Variants in ATP2B1 observed in about 807,000 individuals in gnomAD.
The protein encoded by ATP2B1 is ATPase plasma membrane Ca2+ transporting 1.
ATP2B1 carries 14 observed loss-of-function variants against 124.2 expected under a neutral mutation model. That is an observed-to-expected ratio of 0.11 (90% CI 0.07 to 0.18). The LOEUF is 0.18. Ranked by LOEUF, ATP2B1 falls within the 10% of genes least tolerant of loss-of-function variation. The pLI is 1.00. For missense variants in ATP2B1, 763 were observed against 1,466.1 expected (o/e 0.52, Z 7.83); for synonymous variants, 449 against 492.4 (o/e 0.91, Z 1.17).
At chr12:89,707,864 C>T (rs1034501234) in intron 1 of ATP2B1, among the ~76,000 whole-genome samples, 3 of 152,218 alleles carry the variant, frequency 2.0e-5, no homozygotes, top group African/African-American at 7.2e-5. Flanking sequence ...GCCCCCACCC[C>T]ACACCCCTGC....
At chr12:89,648,456 G>A (rs1884798594) in intron 2 of ATP2B1, among the ~76,000 whole-genome samples, 1 of 152,070 alleles carries the variant, frequency 6.6e-6, no homozygotes, top group African/African-American at 2.4e-5. Context: ...AATGACCTAG[G>A]GTATCTAGCA....
intron 1 of ATP2B1, among the ~76,000 whole-genome samples, chr12:89,665,091 A>AG (rs1887149699): frequency 6.6e-6 from 1 of 152,154 alleles, no homozygotes; most frequent in South Asian, 2.1e-4. Flanking sequence ...GGCCTCCCAA[A>AG]GTGCTGGGAG....
At chr12:89,664,286 A>T (rs1887040878) in intron 1 of ATP2B1, among the ~76,000 whole-genome samples, 1 of 152,218 alleles carries the variant, frequency 6.6e-6, no homozygotes, top group South Asian at 2.1e-4. Context: ...TTGGCTTTTG[A>T]TAGCTGTCAT....
chr12:89,620,293 A>G (rs1378409029), intron 10 of ATP2B1, 53 bp from the exon 11 acceptor site: 4 of 1,582,122 alleles, frequency 2.5e-6, no homozygotes, highest in East Asian at 2.2e-5. Flanking sequence ...AAGAACGTTT[A>G]ATTTATAATG....
intron 1 of ATP2B1, among the ~76,000 whole-genome samples, chr12:89,701,713 T>C (rs1891872379): frequency 6.6e-6 from 1 of 152,172 alleles, no homozygotes; most frequent in Non-Finnish European, 1.5e-5. Context: ...TGGCAGTTAA[T>C]TTGGTTTTTT....
At chr12:89,643,133 T>C (rs1359792156) in intron 2 of ATP2B1, among the ~76,000 whole-genome samples, 1 of 151,044 alleles carries the variant, frequency 6.6e-6, no homozygotes, top group African/African-American at 2.4e-5. Flanking sequence ...CACGTATATA[T>C]GTATATACAC....
intron 1 of ATP2B1, among the ~76,000 whole-genome samples, chr12:89,706,656 C>T (rs1016539466): frequency 1.3e-5 from 2 of 152,014 alleles, no homozygotes; most frequent in East Asian, 3.9e-4. Flanking sequence ...AAAATGAAGA[C>T]AATTCCCCCT....
At position 89,631,925 on chromosome 12, in the gene ATP2B1, T is replaced by C. The variant is rs530086377; in HGVS notation, c.788-1280A>G. 3.3e-5 allele frequency among the ~76,000 whole-genome samples: 5 copies of C among 152,096 alleles called. No individual in the cohort carries two copies. The South Asian group carries it at 6.2e-4, about 19-fold the overall frequency. ...GAATTACAGGTGCGAGTCACCGTGC[T>C]CGGCCTGAAGGTTATACAACTATTA... is the stretch of plus-strand genomic sequence containing the variant. On this transcript the variant is annotated intron_variant, in intron 5 of 20. Coordinates refer to ENST00000428670, the MANE Select transcript of ATP2B1 (RefSeq NM_001366521.1).
At chr12:89,604,088 TAA>T in intron 16 of ATP2B1, 65 bp downstream of exon 16, 1 of 1,486,376 alleles carries the variant, frequency 6.7e-7, no homozygotes, top group East Asian at 2.4e-5. Context: ...AAGTATTTTT[TAA>T]GAGGCATTTA....
At chr12:89,591,447 G>C in intron 20 of ATP2B1, 152 bp from the exon 21 acceptor site, 1 of 637,542 alleles carries the variant, frequency 1.6e-6, no homozygotes, top group South Asian at 2.3e-5. Flanking sequence ...GTAAAAAAAT[G>C]AATATTTTAG....
rs537514187 is a variant in ATP2B1 at position 89,589,967 on chromosome 12, G to A, written c.*1017C>T. ...GAAAAATCAATACAGTTCACTCACA[G>A]TTCACCAAGACATCACTAAACTAAC... On this transcript the variant is annotated 3_prime_UTR_variant, in exon 21 of 21. Coordinates refer to ENST00000428670, the MANE Select transcript of ATP2B1 (RefSeq NM_001366521.1). The A allele has an allele frequency of 6.6e-6, 1 of 152,420 alleles. No individual in the cohort carries two copies. The highest frequency in any genetic ancestry group is 6.6e-5 in the Admixed American group (1 of 15,252). 9.4% of individuals were successfully genotyped at this position (152,420 alleles called of 1,614,324 possible). A position where few individuals can be genotyped will look rare whatever the true frequency, so the allele number is the denominator to read the frequency against.
intron 1 of ATP2B1, among the ~76,000 whole-genome samples, chr12:89,697,602 G>A (rs1891298564): frequency 6.7e-6 from 1 of 150,300 alleles, no homozygotes; most frequent in African/African-American, 2.5e-5. Flanking sequence ...TTTCATACAT[G>A]TATTCATTTT....
At chr12:89,683,818 A>AC (rs2136660174) in intron 1 of ATP2B1, among the ~76,000 whole-genome samples, 1 of 152,322 alleles carries the variant, frequency 6.6e-6, no homozygotes, top group African/African-American at 2.4e-5. Context: ...ATATTAATTT[A>AC]CCCTTCATTC....
rs77358159 is a variant in ATP2B1, at chr12:89,621,470, G to A, written c.1587+79C>T. ...AACAGTTCAGTTTACATACAGTAAT[G>A]GTGGTCTGAAGACTTACATATAGTC... is the stretch of plus-strand genomic sequence containing the variant. On this transcript the variant is annotated intron_variant, in intron 10 of 20. Coordinates refer to ENST00000428670, the MANE Select transcript of ATP2B1 (RefSeq NM_001366521.1). 3.9e-3 allele frequency: 4,443 copies of A among 1,132,582 alleles called. 118 individuals are homozygous for A. The African/African-American group carries it at 0.062, about 16-fold the overall frequency. The allele number at this position is 1,132,582 out of a possible 1,614,324, so 70.2% of individuals were successfully genotyped here.
In ATP2B1 at chr12:89,616,253, C is replaced by CA. The variant is rs535346701; in HGVS notation, c.2067+548dup. On this transcript the variant is annotated intron_variant, in intron 12 of 20. Transcript: ENST00000428670. ...TTAAAAAAGGTGAAAAACCAAATAGCAAAAAAAAATTAAAGAGGGAAATCA... is the reference window on the plus strand; with the variant it reads ...TTAAAAAAGGTGAAAAACCAAATAGCAAAAAAAAAATTAAAGAGGGAAATCA... 1.9e-4 allele frequency among the ~76,000 whole-genome samples: 28 copies of CA among 150,218 alleles called. 1 individual carries two copies. The South Asian group carries it at 2.9e-3, about 16-fold the overall frequency.
intron 18 of ATP2B1, 51 bp downstream of exon 18, chr12:89,602,989 CTAA>C (rs1237589110): frequency 6.7e-7 from 1 of 1,502,730 alleles, no homozygotes; most frequent in African/African-American, 1.4e-5. Context: ...AGCTGTTTAC[CTAA>C]TGTCTCCCAT....
chr12:89,685,534 G>A (rs370305955), intron 1 of ATP2B1, among the ~76,000 whole-genome samples: 19 of 152,058 alleles, frequency 1.2e-4, no homozygotes, highest in African/African-American at 3.9e-4. Context: ...TCACCATGGA[G>A]CTTGGCAGAA....
intron 2 of ATP2B1, among the ~76,000 whole-genome samples, chr12:89,644,374 C>T (rs982640059): frequency 1.6e-4 from 25 of 151,960 alleles, no homozygotes; most frequent in African/African-American, 6.0e-4. Context: ...AATATAAATA[C>T]ATTAGAATAA....
intron 15 of ATP2B1, among the ~76,000 whole-genome samples, chr12:89,606,074 A>T (rs1357705702): frequency 2.5e-5 from 3 of 118,426 alleles, no homozygotes; most frequent in East Asian, 2.5e-4. Flanking sequence ...GACCACACAG[A>T]TCAGGTTGAA....
Sources: gnomAD v4.1 joint callset for allele counts (sites outside exome capture counted in the v4.1 genomes callset) on GRCh38, gnomAD v4.1.1 for gene constraint, MANE v1.5 for transcripts, NCBI Gene and HGNC (gene_info 2026-07-23, HGNC 2026-07-21) for gene names.